The following PSAP variants were observed in gnomAD, a reference collection of about 807,000 sequenced individuals.
PSAP encodes the protein precursor of saposins.
A neutral mutation model predicts 66.0 loss-of-function variants in PSAP; 25 were observed. The observed-to-expected ratio is 0.38, with a 90% CI of 0.28 to 0.53. The LOEUF (loss-of-function observed/expected upper bound fraction) is 0.53. Ranked by LOEUF, PSAP falls within the 20% of genes least tolerant of loss-of-function variation. The pLI, the probability that PSAP is intolerant of heterozygous loss-of-function variation, is 0.83. For missense variants in PSAP, 649 were observed against 668.8 expected (o/e 0.97, Z 0.33); for synonymous variants, 273 against 258.9 (o/e 1.05, Z -0.52).
rs762811199 is a variant in PSAP, at chr10:71,819,073, G to C, written c.1389C>G (p.Ile463Met). The C allele has an allele frequency of 2.5e-6, 4 of 1,614,148 alleles. No homozygotes were observed. The highest frequency in any genetic ancestry group is 3.4e-6 in the Non-Finnish European group (4 of 1,180,026). The change falls in exon 12 of 14, where the codon ATC becomes ATG. Residue 463 changes from isoleucine to methionine, a missense_variant. Physicochemically the swap from Ile to Met is conservative, Grantham distance 10 (BLOSUM62 1). Transcript: ENST00000394936. ...QFVAEYEPVL[I>M]EILVEVMDPS... ...GATCCATCACCTCCACCAGGATCTC[G>C]ATCAGCACGGGCTCGTACTCTGCCA...
intron 1 of PSAP, among the ~76,000 whole-genome samples, chr10:71,835,521 G>A (rs369435926): frequency 1.1e-4 from 16 of 150,930 alleles, no homozygotes; most frequent in Admixed American, 2.0e-4. Context: ...GTAGTGAGCC[G>A]AGATCTCACC....
In PSAP at chr10:71,817,471, G is replaced by A. The variant is rs755848707; in HGVS notation, c.1545C>T (p.Val515=). The change falls in exon 14 of 14, where the codon GTC becomes GTT. Residue 515 remains valine, a synonymous_variant. Transcript: ENST00000394936. ...NTETAAQCNA[V]EHCKRHVWN is the part of the protein sequence containing the mutation. ...TCCACACATGGCGTTTGCAATGCTC[G>A]ACAGCCTGGTAGGAGAGAGGAAGCT... is the stretch of plus-strand genomic sequence containing the variant. 1.8e-5 allele frequency: 29 copies of A among 1,613,948 alleles called. No homozygotes were observed. Among genetic ancestry groups the A allele is most frequent in the East Asian group, 6.7e-5 (3 of 44,904 alleles).
At chr10:71,833,095 C>T (rs1362991768) in intron 2 of PSAP, among the ~76,000 whole-genome samples, 3 of 150,070 alleles carry the variant, frequency 2.0e-5, no homozygotes, top group Admixed American at 6.7e-5. Context: ...AAAGTCCTTA[C>T]GGGACACACA....
chr10:71,848,249 C>G (rs1842857136), intron 1 of PSAP, among the ~76,000 whole-genome samples: 1 of 152,218 alleles, frequency 6.6e-6, no homozygotes, highest in Non-Finnish European at 1.5e-5. Context: ...TCCCCAACCT[C>G]GGGGGCTGCT....
chr10:71,829,663 C>T (rs1842472836), intron 4 of PSAP, among the ~76,000 whole-genome samples: 1 of 152,022 alleles, frequency 6.6e-6, no homozygotes, highest in African/African-American at 2.4e-5. Flanking sequence ...CGGACTAATA[C>T]AGGCTTCCTA....
chr10:71,848,614 C>G (rs185535671), intron 1 of PSAP, among the ~76,000 whole-genome samples: 64 of 152,276 alleles, frequency 4.2e-4, no homozygotes, highest in Non-Finnish European at 7.8e-4. Flanking sequence ...ATCACTGAAA[C>G]ACAAAATACA....
rs193088462 is a variant in PSAP at position 71,828,897 on chromosome 10, G to A, written c.556C>T (p.Arg186Cys). 24 of 1,614,054 alleles carry A rather than the reference G, an allele frequency of 1.5e-5. No individual in the cohort carries two copies. The highest frequency in any genetic ancestry group is 2.2e-5 in the South Asian group (2 of 91,070). The change falls in exon 5 of 14, where the codon CGC becomes TGC. Residue 186 changes from arginine (R) to cysteine (C), a missense_variant. Coordinates refer to ENST00000394936, the MANE Select transcript of PSAP (RefSeq NM_002778.4). ...CTTACCTTTGGCTGGGGCTTGCTGC[G>A]GGGGCCGTCCTGAGGGTAGAGGAGG... Reference protein sequence around the residue: ...PLLLYPQDGPRSKPQPKDNGD... With the variant: ...PLLLYPQDGPCSKPQPKDNGD...
rs141231601 is a variant in PSAP, at chr10:71,834,426, G to A, written c.120C>T (p.Ser40=). ...AVWCQNVKTA[S]DCGAVKHCLQ... Reference sequence around the variant, plus strand: ...GGCAGTGCTTCACTGCCCCGCAGTCGGACGCCGTCTTCACATTCTGGCACC... The same window carrying A: ...GGCAGTGCTTCACTGCCCCGCAGTCAGACGCCGTCTTCACATTCTGGCACC... Residue 40 remains serine (S), a synonymous_variant, in exon 2 of 14, where the codon TCC becomes TCT. Transcript: ENST00000394936. The A allele has an allele frequency of 2.4e-4, 382 of 1,613,938 alleles. No homozygotes were observed. In the African/African-American group the frequency reaches 4.0e-3, roughly 17 times the overall value.
chr10:71,831,299 G>A (rs753364099), intron 3 of PSAP, 48 bp from the exon 4 acceptor site: 2 of 1,607,384 alleles, frequency 1.2e-6, no homozygotes, highest in Non-Finnish European at 8.5e-7. Context: ...TTCCTCCCTG[G>A]AAATAAATGG....
Position 71,820,322 on chromosome 10 carries a change from G to A in PSAP, c.923C>T (p.Pro308Leu), listed in dbSNP as rs886047150. The A allele has an allele frequency of 1.7e-5, 27 of 1,614,036 alleles. No homozygotes were observed. Among genetic ancestry groups the A allele is most frequent in the Non-Finnish European group, 2.2e-5 (26 of 1,179,910 alleles). ...LVEPIKKHEV[P>L]AKSDVYCEVC... ...CTCACAGTAAACATCAGACTTTGCT[G>A]GGACCTCGTGCTTCTGTGGAAAGAG... Residue 308 changes from proline (P) to leucine (L), a missense_variant, in exon 9 of 14, where the codon CCA becomes CTA. By Grantham distance (98) the Pro-to-Leu change is moderately conservative (BLOSUM62 -3). Coordinates refer to ENST00000394936, the MANE Select transcript of PSAP (RefSeq NM_002778.4).
intron 1 of PSAP, among the ~76,000 whole-genome samples, chr10:71,835,520 C>T (rs552271550): frequency 1.3e-5 from 2 of 151,452 alleles, no homozygotes; most frequent in South Asian, 2.1e-4. Flanking sequence ...TGTAGTGAGC[C>T]GAGATCTCAC....
intron 1 of PSAP, among the ~76,000 whole-genome samples, chr10:71,843,488 T>C (rs540036593): frequency 2.6e-4 from 39 of 152,286 alleles, no homozygotes; most frequent in African/African-American, 7.7e-4. Context: ...ACGTGACAAA[T>C]ACTGGCCAAA....
chr10:71,827,986 C>G (rs1400543794), intron 6 of PSAP, 28 bp downstream of exon 6: 14 of 1,613,768 alleles, frequency 8.7e-6, no homozygotes, highest in African/African-American at 1.3e-5. Context: ...CCCAGAACAT[C>G]CCCAATGCAC....
At chr10:71,830,674 T>TAA (rs1185042147) in intron 4 of PSAP, among the ~76,000 whole-genome samples, 2 of 152,206 alleles carry the variant, frequency 1.3e-5, no homozygotes, top group African/African-American at 2.4e-5. Context: ...TGTTCTTTGC[T>TAA]AAAAACCCAG....
intron 1 of PSAP, among the ~76,000 whole-genome samples, chr10:71,849,344 A>G (rs1017173233): frequency 6.6e-6 from 1 of 152,204 alleles, no homozygotes; most frequent in Non-Finnish European, 1.5e-5. Flanking sequence ...TTTTGCATCA[A>G]CCCTGTCATC....
chr10:71,825,655 G>GT, intron 7 of PSAP, 182 bp downstream of exon 7: 1 of 700,436 alleles, frequency 1.4e-6, no homozygotes, highest in South Asian at 1.5e-5. Flanking sequence ...TGCCTCTCCC[G>GT]TAACAGGGGA....
At position 71,820,255 on chromosome 10, in the gene PSAP, G is replaced by A. The variant is rs746313696; in HGVS notation, c.990C>T (p.Asp330=). The A allele has an allele frequency of 5.6e-6, 9 of 1,613,704 alleles. No homozygotes were observed. Among genetic ancestry groups the A allele is most frequent in the East Asian group, 2.2e-5 (1 of 44,880 alleles). The change falls in exon 9 of 14, where the codon GAC becomes GAT. Residue 330 remains aspartate (D), a synonymous_variant. Coordinates refer to ENST00000394936, the MANE Select transcript of PSAP (RefSeq NM_002778.4). ...FLVKEVTKLI[D]NNKTEKEILD... ...GACAGCATACCTCAGTCTTGTTGTTGTCAATCAGCTTGGTCACCTCCTTCA... is the reference window on the plus strand; with the variant it reads ...GACAGCATACCTCAGTCTTGTTGTTATCAATCAGCTTGGTCACCTCCTTCA...
At chr10:71,840,359 CATTT>C (rs1422382414) in intron 1 of PSAP, among the ~76,000 whole-genome samples, 2 of 152,154 alleles carry the variant, frequency 1.3e-5, no homozygotes, top group Non-Finnish European at 2.9e-5. Flanking sequence ...TACCGCAGGG[CATTT>C]CTCAGAGGAA....
At chr10:71,833,087 A>G (rs1468483227) in intron 2 of PSAP, among the ~76,000 whole-genome samples, 5 of 151,760 alleles carry the variant, frequency 3.3e-5, no homozygotes, top group African/African-American at 1.2e-4. Context: ...CAAGTTTTAA[A>G]GTCCTTACGG....
Sources: gnomAD v4.1 joint callset for allele counts (sites outside exome capture counted in the v4.1 genomes callset) on GRCh38, gnomAD v4.1.1 for gene constraint, MANE v1.5 for transcripts, NCBI Gene and HGNC (gene_info 2026-07-23, HGNC 2026-07-21) for gene names.